The following KAZN variants were observed in gnomAD, a reference collection of about 807,000 sequenced individuals.
The protein encoded by KAZN is kazrin.
KAZN carries 40 observed loss-of-function variants against 87.4 expected under a neutral mutation model. The ratio of observed to expected loss-of-function variants is 0.46; its 90% CI spans 0.36 to 0.60. The LOEUF (loss-of-function observed/expected upper bound fraction) is 0.60, where lower values mean the gene tolerates loss of function less well. KAZN is among the 20% of genes least tolerant of loss of function. The pLI, the probability that KAZN is intolerant of heterozygous loss-of-function variation, is 0.00. For missense variants in KAZN, 898 were observed against 1,073.9 expected (o/e 0.84, Z 2.29); for synonymous variants, 466 against 458.3 (o/e 1.02, Z -0.22).
At chr1:14,430,452 C>T (rs1315829600) in intron 2 of KAZN, among the ~76,000 whole-genome samples, 1 of 152,182 alleles carries the variant, frequency 6.6e-6, no homozygotes, top group South Asian at 2.1e-4. Context: ...CTTTCAGGGT[C>T]TTAACCACAC....
rs138326125 is a variant in KAZN, at chr1:14,401,613, C to T, written c.250-197370C>T. ...GGTGGATCACTTGAGCCCAGGAGTT[C>T]GAGACCAGCCTGGGGAATATGGTGA... is the stretch of plus-strand genomic sequence containing the variant. On this transcript the variant is annotated intron_variant, in intron 2 of 16. Transcript: ENST00000636203. 3.9e-3 allele frequency among the ~76,000 whole-genome samples: 600 copies of T among 151,924 alleles called. 3 individuals carry two copies. The highest frequency in any genetic ancestry group is 0.014 in the African/African-American group (569 of 41,422).
chr1:15,101,164 T>TTCTCTCTCTCTCTCCCTCTC (rs1641045615), intron 10 of KAZN, among the ~76,000 whole-genome samples: 1 of 127,768 alleles, frequency 7.8e-6, no homozygotes, highest in Non-Finnish European at 1.7e-5. Flanking sequence ...GTCTCGGTCT[T>TTCTCTCTCTCTCTCCCTCTC]TCTCTCTCTC....
At chr1:14,152,976 A>G (rs181067411) in intron 1 of KAZN, among the ~76,000 whole-genome samples, 1 of 152,144 alleles carries the variant, frequency 6.6e-6, no homozygotes, top group Admixed American at 6.5e-5. Context: ...CCTGTTTGCC[A>G]TTGGTAAGTT....
chr1:15,038,576 A>G (rs1372276179), intron 3 of KAZN, among the ~76,000 whole-genome samples: 2 of 152,212 alleles, frequency 1.3e-5, no homozygotes, highest in Non-Finnish European at 2.9e-5. Flanking sequence ...TGAATGTGAT[A>G]TTACCAATAT....
intron 1 of KAZN, among the ~76,000 whole-genome samples, chr1:14,921,187 C>CACACACAT (rs1658480003): frequency 6.6e-6 from 1 of 151,766 alleles, no homozygotes; most frequent in Non-Finnish European, 1.5e-5. Flanking sequence ...CACACACACA[C>CACACACAT]ATTCACACAG....
At chr1:14,419,504 G>A (rs1402375492) in intron 2 of KAZN, among the ~76,000 whole-genome samples, 1 of 152,200 alleles carries the variant, frequency 6.6e-6, no homozygotes, top group South Asian at 2.1e-4. Context: ...CAGAGTGTTA[G>A]GCCAGTTCCC....
chr1:14,378,037 A>G (rs1661054417), intron 2 of KAZN, among the ~76,000 whole-genome samples: 1 of 151,998 alleles, frequency 6.6e-6, no homozygotes, highest in South Asian at 2.1e-4. Flanking sequence ...TTTTAAATGT[A>G]TTTTTTTTCA....
intron 2 of KAZN, among the ~76,000 whole-genome samples, chr1:14,381,728 G>A (rs866632943): frequency 5.9e-5 from 9 of 152,120 alleles, no homozygotes; most frequent in Middle Eastern, 3.2e-3. Flanking sequence ...CATGCTGAAT[G>A]GGAAAAAACG....
intron 1 of KAZN, among the ~76,000 whole-genome samples, chr1:14,930,950 T>C (rs2101573735): frequency 6.6e-6 from 1 of 150,954 alleles, no homozygotes; most frequent in Non-Finnish European, 1.5e-5. Flanking sequence ...GCAAGCTGGC[T>C]CCTGACGGGA....
intron 2 of KAZN, among the ~76,000 whole-genome samples, chr1:14,292,239 C>T (rs867533597): frequency 2.0e-5 from 3 of 152,236 alleles, no homozygotes; most frequent in Admixed American, 6.5e-5. Flanking sequence ...AATATGTGTG[C>T]TTCACCCTGC....
At chr1:14,614,019 G>A (rs1678019655) in intron 1 of KAZN, among the ~76,000 whole-genome samples, 1 of 152,160 alleles carries the variant, frequency 6.6e-6, no homozygotes, top group East Asian at 1.9e-4. Context: ...ATACCAGAAA[G>A]CACCAGTTAT....
Position 14,301,433 on chromosome 1 carries a change from G to A in KAZN, c.249+120841G>A, listed in dbSNP as rs139396422. On this transcript the variant is annotated intron_variant, in intron 2 of 16. Transcript: ENST00000636203. ...ATCTACAGGTTTGCATGATGGGATT[G>A]ACTTTGGCTGCTCTCAAAGGCAAGC... Among the ~76,000 whole-genome samples, 483 of 152,288 alleles carry A rather than the reference G, an allele frequency of 3.2e-3. 1 individual carries two copies. The highest frequency in any genetic ancestry group is 6.8e-3 in the Middle Eastern group (2 of 294).
intron 2 of KAZN, among the ~76,000 whole-genome samples, chr1:14,185,492 G>C (rs974290066): frequency 6.6e-6 from 1 of 152,112 alleles, no homozygotes; most frequent in Non-Finnish European, 1.5e-5. Context: ...GCTCCATTAC[G>C]CATCCTTTCC....
chr1:14,974,549 C>A (rs573652815), intron 2 of KAZN, among the ~76,000 whole-genome samples: 2 of 152,040 alleles, frequency 1.3e-5, no homozygotes, highest in East Asian at 1.9e-4. Context: ...TTTTTAATAG[C>A]CAAAAACTGG....
intron 1 of KAZN, among the ~76,000 whole-genome samples, chr1:14,090,452 T>C (rs928467015): frequency 3.3e-5 from 5 of 152,230 alleles, no homozygotes; most frequent in African/African-American, 1.2e-4. Flanking sequence ...GCTTGGATAT[T>C]GTATTTTTCA....
At chr1:14,193,664 T>G (rs1270419051) in intron 2 of KAZN, among the ~76,000 whole-genome samples, 3 of 86,410 alleles carry the variant, frequency 3.5e-5, no homozygotes, top group East Asian at 2.5e-4. Context: ...CTAAGGTGTT[T>G]TTTTTTTTTT....
intron 1 of KAZN, among the ~76,000 whole-genome samples, chr1:13,954,130 G>A (rs1306919932): frequency 6.6e-6 from 1 of 152,186 alleles, no homozygotes; most frequent in Non-Finnish European, 1.5e-5. Flanking sequence ...GCACCACCCA[G>A]GAGGCGGAGG....
chr1:14,883,339 A>AGGGAGG (rs1557586019), intron 1 of KAZN, among the ~76,000 whole-genome samples: 1 of 41,648 alleles, frequency 2.4e-5, no homozygotes, highest in Non-Finnish European at 5.6e-5. Context: ...AGAGAGAGAG[A>AGGGAGG]GAGAAAGAAA....
chr1:14,097,360 A>C (rs904478581), intron 1 of KAZN, among the ~76,000 whole-genome samples: 1 of 152,230 alleles, frequency 6.6e-6, no homozygotes, highest in South Asian at 2.1e-4. Flanking sequence ...TATGTCACAA[A>C]GTGAAAAGGC....
Sources: gnomAD v4.1 joint callset for allele counts (sites outside exome capture counted in the v4.1 genomes callset) on GRCh38, gnomAD v4.1.1 for gene constraint, MANE v1.5 for transcripts, NCBI Gene and HGNC (gene_info 2026-07-23, HGNC 2026-07-21) for gene names.